ERG: variants seen among roughly 807,000 people sequenced by gnomAD.
ERG encodes ETS transcription factor ERG.
In ERG, 9 loss-of-function variants were observed where a neutral mutation model predicts 55.3. That is an observed-to-expected ratio of 0.16 (90% CI 0.10 to 0.28). The LOEUF (loss-of-function observed/expected upper bound fraction) is 0.28, where lower values mean the gene tolerates loss of function less well. Among genes scored for constraint, ERG ranks in the 10% least tolerant of loss-of-function variants. The probability of loss-of-function intolerance (pLI) is 1.00; values close to 1 mark genes in which losing one functional copy is unlikely to be tolerated. For synonymous variants in ERG, 223 were observed against 237.3 expected (o/e 0.94, Z 0.55); for missense variants, 434 against 631.6 (o/e 0.69, Z 3.35).
chr21:38,642,325 A>G (rs1042137349), intron 1 of ERG, among the ~76,000 whole-genome samples: 3 of 152,248 alleles, frequency 2.0e-5, no homozygotes, highest in Non-Finnish European at 2.9e-5. Context: ...GATTTAATTT[A>G]AATACTTTTG....
intron 1 of ERG, among the ~76,000 whole-genome samples, chr21:38,599,527 C>T (rs1031438907): frequency 1.4e-4 from 21 of 152,302 alleles, no homozygotes; most frequent in African/African-American, 4.8e-4. Context: ...TCCTGTCTTC[C>T]TGCTCCAACC....
chr21:38,516,150 A>G (rs892702311), intron 2 of ERG, among the ~76,000 whole-genome samples: 1 of 152,100 alleles, frequency 6.6e-6, no homozygotes, highest in Non-Finnish European at 1.5e-5. Context: ...AGGCAAGAGA[A>G]AGCAATAAAG....
chr21:38,538,450 T>G, intron 2 of ERG, among the ~76,000 whole-genome samples: 1 of 151,826 alleles, frequency 6.6e-6, no homozygotes, highest in Non-Finnish European at 1.5e-5. Flanking sequence ...ATCAAGGAGA[T>G]AGAATTGTGT....
At chr21:38,583,270 C>A (rs1010271102) in intron 1 of ERG, among the ~76,000 whole-genome samples, 1 of 152,192 alleles carries the variant, frequency 6.6e-6, no homozygotes, top group African/African-American at 2.4e-5. Context: ...CCTTATGGGG[C>A]AGGAAGAAGG....
intron 1 of ERG, among the ~76,000 whole-genome samples, chr21:38,486,092 C>T (rs1601116892): frequency 6.6e-6 from 1 of 151,720 alleles, no homozygotes; most frequent in Non-Finnish European, 1.5e-5. Flanking sequence ...TGCCACCATG[C>T]CTGGCTAATT....
At chr21:38,399,889 CG>C (rs1988407057) in intron 6 of ERG, 1 of 178,976 alleles carries the variant, frequency 5.6e-6, no homozygotes. Context: ...CAAAACATTT[CG>C]GTTTGTTCAC....
chr21:38,524,496 C>A (rs1050448652), intron 2 of ERG, among the ~76,000 whole-genome samples: 2 of 152,214 alleles, frequency 1.3e-5, no homozygotes, highest in Non-Finnish European at 2.9e-5. Context: ...ACTGAAATTA[C>A]TCAGCCTCAG....
chr21:38,431,957 T>C (rs886252102), intron 2 of ERG, among the ~76,000 whole-genome samples: 1 of 152,158 alleles, frequency 6.6e-6, no homozygotes, highest in African/African-American at 2.4e-5. Context: ...CTGGCTGCCA[T>C]TGGAAAGATC....
rs1392367285 is a variant in ERG, at chr21:38,451,633, G to A, written c.19-6012C>T. 3.3e-5 allele frequency among the ~76,000 whole-genome samples: 5 copies of A among 152,220 alleles called. No individual in the cohort carries two copies. The East Asian group carries it at 7.7e-4, about 23-fold the overall frequency. ...TTCTCTTCAAGGCAGCACATATGCA[G>A]TAGATGCTTCTAAAAGGTCTAGTAT... On this transcript the variant is annotated intron_variant, in intron 1 of 9. Coordinates refer to ENST00000288319, the MANE Select transcript of ERG (RefSeq NM_182918.4).
chr21:38,465,991 G>A (rs2059085484), intron 1 of ERG, among the ~76,000 whole-genome samples: 1 of 152,152 alleles, frequency 6.6e-6, no homozygotes, highest in African/African-American at 2.4e-5. Flanking sequence ...CTGATGCTGG[G>A]TGTGAAACTG....
At chr21:38,631,597 CCTTTG>C (rs1275308717) in intron 1 of ERG, among the ~76,000 whole-genome samples, 1 of 152,166 alleles carries the variant, frequency 6.6e-6, no homozygotes, top group African/African-American at 2.4e-5. Context: ...ACTTTCCTTT[CCTTTG>C]GATAAAATCC....
At chr21:38,623,757 G>A (rs1410581036) in intron 1 of ERG, among the ~76,000 whole-genome samples, 1 of 152,150 alleles carries the variant, frequency 6.6e-6, no homozygotes, top group Non-Finnish European at 1.5e-5. Context: ...AGCCCAGCAG[G>A]GGTCGAACTT....
intron 2 of ERG, among the ~76,000 whole-genome samples, chr21:38,514,862 T>G (rs1423773008): frequency 2.0e-5 from 3 of 151,938 alleles, no homozygotes; most frequent in African/African-American, 7.2e-5. Context: ...AATTTGGAAA[T>G]AAGTCATTAG....
intron 1 of ERG, among the ~76,000 whole-genome samples, chr21:38,604,208 C>T (rs1200119793): frequency 1.3e-5 from 2 of 149,322 alleles, no homozygotes; most frequent in African/African-American, 2.5e-5. Context: ...GAGCCGAGAT[C>T]GCACCACTGC....
chr21:38,590,892 G>C (rs1231624745), intron 1 of ERG, among the ~76,000 whole-genome samples: 2 of 152,220 alleles, frequency 1.3e-5, no homozygotes, highest in Non-Finnish European at 2.9e-5. Flanking sequence ...GTGTAGCTTG[G>C]TTGAGCATGA....
intron 5 of ERG, among the ~76,000 whole-genome samples, chr21:38,402,024 A>G (rs1988519851): frequency 6.6e-6 from 1 of 152,212 alleles, no homozygotes; most frequent in African/African-American, 2.4e-5. Context: ...AGCTCTCAAA[A>G]TGTTACAGAA....
chr21:38,547,382 T>C (rs1010195288), intron 2 of ERG, among the ~76,000 whole-genome samples: 5 of 152,152 alleles, frequency 3.3e-5, no homozygotes, highest in African/African-American at 1.2e-4. Context: ...TTTGACCATA[T>C]GGATATTTAC....
intron 1 of ERG, among the ~76,000 whole-genome samples, chr21:38,489,001 G>A (rs1006765197): frequency 2.0e-5 from 3 of 152,200 alleles, no homozygotes; most frequent in African/African-American, 7.2e-5. Flanking sequence ...CCTTGGAGAG[G>A]AGATAACGAA....
chr21:38,645,117 C>T (rs998639931), intron 1 of ERG, among the ~76,000 whole-genome samples: 1 of 152,130 alleles, frequency 6.6e-6, no homozygotes, highest in Non-Finnish European at 1.5e-5. Flanking sequence ...TGTGGTCACA[C>T]CACTACACTC....
Sources: gnomAD v4.1 joint callset for allele counts (sites outside exome capture counted in the v4.1 genomes callset) on GRCh38, gnomAD v4.1.1 for gene constraint, MANE v1.5 for transcripts, NCBI Gene and HGNC (gene_info 2026-07-23, HGNC 2026-07-21) for gene names.